Variants in DNAH10 observed in about 807,000 individuals in gnomAD.
DNAH10 encodes axonemal beta dynein heavy chain 10.
A neutral mutation model predicts 506.6 loss-of-function variants in DNAH10; 348 were observed. The observed-to-expected ratio is 0.69, with a 90% CI of 0.63 to 0.75. The LOEUF is 0.75. Among genes scored for constraint, DNAH10 ranks in the 30% least tolerant of loss-of-function variants. The pLI is 0.00. For synonymous variants in DNAH10, 2,059 were observed against 2,198.6 expected, an observed-to-expected ratio of 0.94 and a Z score of 1.78; for missense variants, 5,179 against 5,787.1, an observed-to-expected ratio of 0.89 and a Z score of 3.41.
In DNAH10 at chr12:123,762,498, G is replaced by T; in HGVS notation, c.162G>T (p.Ser54=). ...LNQASEEEGP[S]ALFIYRTMVP... ...AGGCGAGCGAGGAGGAGGGGCCCTC[G>T]GCGCTCTTCATCTACCGCACTATGG... The change falls in exon 1 of 79, where the codon TCG becomes TCT. Residue 54 remains serine (S), a synonymous_variant. Transcript: ENST00000673944. This position sits in a 1 kb window ranked among gnomAD's most constrained non-coding sequence, Gnocchi z 5.0. The T allele has an allele frequency of 6.5e-7, 1 of 1,530,046 alleles. No homozygotes were observed. 94.8% of individuals were successfully genotyped at this position (1,530,046 alleles called of 1,614,324 possible). A position where few individuals can be genotyped will look rare whatever the true frequency, so the allele number is the denominator to read the frequency against.
chr12:123,779,705 A>C (rs1349776887), intron 5 of DNAH10, among the ~76,000 whole-genome samples: 3 of 152,178 alleles, frequency 2.0e-5, no homozygotes, highest in Non-Finnish European at 4.4e-5. Flanking sequence ...AATTTGCAGG[A>C]AATACACATC....
Position 123,867,565 on chromosome 12 carries a change from G to A in DNAH10, c.7266G>A (p.Lys2422=), listed in dbSNP as rs1485183081. The change falls in exon 42 of 79, where the codon AAG becomes AAA. Residue 2422 remains lysine (K), a synonymous_variant. Transcript: ENST00000673944. ...TTGTGGATGGAAGACAAGCAGAAAAGCTGAAGACAATAGTTCCTCAGACAG... is the reference window on the plus strand; with the variant it reads ...TTGTGGATGGAAGACAAGCAGAAAAACTGAAGACAATAGTTCCTCAGACAG... ...EGIVDGRQAE[K]LKTIVPQTDL... The A allele has an allele frequency of 6.2e-7, 1 of 1,613,968 alleles. No homozygotes were observed. The highest frequency in any genetic ancestry group is 2.2e-5 in the East Asian group (1 of 44,874).
In DNAH10 at chr12:123,785,390, GTTAT is replaced by G. The variant is rs1594015950; in HGVS notation, c.1231-349_1231-346del. ...AAATGTCTGTTTTAATCTTTTGCCC[GTTAT>G]TTATTTGAGTTATTATTATAAGAGA... On this transcript the variant is annotated intron_variant, in intron 8 of 78. Transcript: ENST00000673944. The surrounding 1 kb of genome is among the most constrained non-coding windows in gnomAD (Gnocchi z 4.1). 6.6e-6 allele frequency among the ~76,000 whole-genome samples: 1 copy of G among 152,090 alleles called. No individual in the cohort carries two copies. Among genetic ancestry groups the G allele is most frequent in the East Asian group, 1.9e-4 (1 of 5,186 alleles).
At chr12:123,935,309 G>A (rs1566133052) in intron 78 of DNAH10, 26 bp from the exon 79 acceptor site, 11 of 1,591,220 alleles carry the variant, frequency 6.9e-6, no homozygotes, top group South Asian at 2.2e-5. Flanking sequence ...CTCCGTGGGG[G>A]CATCTCACCT....
chr12:123,895,793 GCTTAGAA>G (rs1953191712), intron 54 of DNAH10, among the ~76,000 whole-genome samples: 1 of 152,078 alleles, frequency 6.6e-6, no homozygotes, highest in South Asian at 2.1e-4. Context: ...CCTAGAATTT[GCTTAGAA>G]CTTTTTTGTC....
chr12:123,859,194 C>A lies in DNAH10; in HGVS notation c.6675C>A (p.His2225Gln), dbSNP rs1213968331. Residue 2225 changes from histidine to glutamine, a missense_variant, in exon 38 of 79, where the codon CAC becomes CAA. Physicochemically the swap from His to Gln is conservative, Grantham distance 24 (BLOSUM62 0). Transcript: ENST00000673944. ...VQMFETMLTR[H>Q]TTMVVGPTRG... ...TGTTCGAGACCATGTTAACCCGCCA[C>A]ACGACGATGGTGGTGGGGCCCACCA... 6 of 1,612,156 alleles carry A rather than the reference C, an allele frequency of 3.7e-6. No individual in the cohort carries two copies.
intron 51 of DNAH10, among the ~76,000 whole-genome samples, chr12:123,886,363 C>T (rs1952725390): frequency 6.6e-6 from 1 of 152,038 alleles, no homozygotes. Flanking sequence ...CCAGGAGCTG[C>T]TGGGGAGGGG....
At chr12:123,901,329 T>C (rs948100970) in intron 56 of DNAH10, among the ~76,000 whole-genome samples, 2 of 152,198 alleles carry the variant, frequency 1.3e-5, no homozygotes, top group African/African-American at 4.8e-5. Context: ...CAGCTTCCTT[T>C]CTGCTTTTCT....
intron 65 of DNAH10, 195 bp from the exon 66 acceptor site, chr12:123,923,568 G>A (rs564662042): frequency 1.2e-5 from 6 of 487,208 alleles, no homozygotes; most frequent in African/African-American, 1.2e-4. Context: ...ACTACAGACT[G>A]GGGCATGACC....
chr12:123,871,981 G>A (rs766962509), intron 45 of DNAH10, among the ~76,000 whole-genome samples: 9 of 152,170 alleles, frequency 5.9e-5, no homozygotes, highest in Non-Finnish European at 8.8e-5. Context: ...ACCTGGCCTT[G>A]GAAGTCACAT....
intron 11 of DNAH10, 34 bp downstream of exon 11, chr12:123,790,155 G>A (rs1958025254): frequency 1.3e-6 from 2 of 1,593,530 alleles, no homozygotes; most frequent in African/African-American, 2.7e-5. Context: ...CATCTTGGGA[G>A]TCGACACCAT....
At chr12:123,860,086 T>C (rs1015448077) in intron 38 of DNAH10, among the ~76,000 whole-genome samples, 3 of 151,866 alleles carry the variant, frequency 2.0e-5, no homozygotes, top group Non-Finnish European at 4.4e-5. Flanking sequence ...TTGAAAGCCT[T>C]CTACTGAAAG....
chr12:123,860,593 A>G (rs1951573428), intron 38 of DNAH10, among the ~76,000 whole-genome samples: 1 of 152,192 alleles, frequency 6.6e-6, no homozygotes, highest in African/African-American at 2.4e-5. Context: ...TGTTCTGTAG[A>G]TAAGGAGGAT....
rs370468091 is a variant in DNAH10, at chr12:123,909,457, G to A, written c.9997+15G>A. The stretch of plus-strand genomic sequence containing the variant: ...AAACATCAAAGGTGAGTGTAGCCAC[G>A]TGTGGGAATCGCCAGGGTGGATCTC... On this transcript the variant is annotated intron_variant, in intron 58 of 78. Coordinates refer to ENST00000673944, the MANE Select transcript of DNAH10 (RefSeq NM_001372106.1). This position sits in a 1 kb window ranked among gnomAD's most constrained non-coding sequence, Gnocchi z 5.4. The A allele has an allele frequency of 1.0e-4, 158 of 1,549,998 alleles. No homozygotes were observed. The highest frequency in any genetic ancestry group is 1.3e-4 in the Non-Finnish European group (144 of 1,144,860).
In DNAH10 at chr12:123,925,542, A is replaced by AT; in HGVS notation, c.11921+342dup. On this transcript the variant is annotated intron_variant, in intron 68 of 78. Coordinates refer to ENST00000673944, the MANE Select transcript of DNAH10 (RefSeq NM_001372106.1). This position sits in a 1 kb window ranked among gnomAD's most constrained non-coding sequence, Gnocchi z 4.0. ...TAATCAATATGAACATGATTGAGACATTTTACATGCTTTTTTCTGGTATTA... is the reference window on the plus strand; with the variant it reads ...TAATCAATATGAACATGATTGAGACATTTTTACATGCTTTTTTCTGGTATTA... 1 of 210,674 alleles carries AT rather than the reference A, an allele frequency of 4.7e-6. No individual in the cohort carries two copies. Among genetic ancestry groups the AT allele is most frequent in the Non-Finnish European group, 9.4e-6 (1 of 106,718 alleles). 13.1% of individuals were successfully genotyped at this position (210,674 alleles called of 1,614,324 possible).
chr12:123,841,266 T>G, intron 29 of DNAH10, 56 bp from the exon 30 acceptor site: 4 of 1,578,208 alleles, frequency 2.5e-6, no homozygotes. Context: ...CGCTGGCTGG[T>G]CTTTGATTCC....
At chr12:123,849,526 C>T (rs879588031) in intron 34 of DNAH10, among the ~76,000 whole-genome samples, 4 of 152,080 alleles carry the variant, frequency 2.6e-5, no homozygotes, top group African/African-American at 4.8e-5. Context: ...ACAGGACCAG[C>T]GTGGGTGGGC....
At chr12:123,934,143 A>G (rs2137773257) in intron 77 of DNAH10, 1 of 665,296 alleles carries the variant, frequency 1.5e-6, no homozygotes, top group Admixed American at 2.1e-5. Context: ...CTCTGGGGCC[A>G]CAGGAGTGTG....
intron 10 of DNAH10, 92 bp downstream of exon 10, chr12:123,788,094 G>A (rs989002381): frequency 3.5e-6 from 5 of 1,409,906 alleles, no homozygotes; most frequent in Non-Finnish European, 4.9e-6. Context: ...GGAGCTGGGC[G>A]TCAGAAAGGG....
Sources: gnomAD v4.1 joint callset for allele counts (sites outside exome capture counted in the v4.1 genomes callset) on GRCh38, gnomAD v4.1.1 for gene constraint, Gnocchi (gnomAD v3.1) non-coding constraint, MANE v1.5 for transcripts, NCBI Gene and HGNC (gene_info 2026-07-23, HGNC 2026-07-21) for gene names.